The following PCDH15 variants were observed in gnomAD, a reference collection of about 807,000 sequenced individuals.
PCDH15 encodes protocadherin related 15, also known as protocadherin-15.
PCDH15 carries 129 observed loss-of-function variants against 178.5 expected under a neutral mutation model. That is an observed-to-expected ratio of 0.72 (90% CI 0.63 to 0.84). PCDH15 has a LOEUF of 0.84. Ranked by LOEUF, PCDH15 falls within the 40% of genes least tolerant of loss-of-function variation. PCDH15 has a pLI of 0.00. For synonymous variants in PCDH15, 800 were observed against 732.0 expected (o/e 1.09, Z -1.50); for missense variants, 2,230 against 2,099.9 (o/e 1.06, Z -1.21).
chr10:53,938,819 T>C lies in PCDH15; in HGVS notation c.3369A>G (p.Ser1123=), dbSNP rs953256223. ...GCTTTAAGTAGTATAACTTACTTTTTGAAGGAACTCGGAGATTGGCAAGGA... is the reference window on the plus strand; with the variant it reads ...GCTTTAAGTAGTATAACTTACTTTTCGAAGGAACTCGGAGATTGGCAAGGA... ...EVVLANLRVP[S]KSNTAKVYIE... is the part of the protein sequence containing the mutation. The change falls in exon 25 of 38, where the codon TCA becomes TCG. Residue 1123 remains serine, a synonymous_variant. Transcript: ENST00000644397. 1.2e-6 allele frequency: 2 copies of C among 1,613,048 alleles called. No homozygotes were observed. The highest frequency in any genetic ancestry group is 8.5e-7 in the Non-Finnish European group (1 of 1,179,540).
intron 9 of PCDH15, among the ~76,000 whole-genome samples, chr10:54,236,290 G>C (rs924176713): frequency 9.9e-5 from 15 of 152,090 alleles, no homozygotes; most frequent in African/African-American, 3.6e-4. Flanking sequence ...CATAGGGATG[G>C]ATTAGGATGG....
chr10:55,598,495 C>T (rs931682836), intron 2 of PCDH15, among the ~76,000 whole-genome samples: 4 of 130,026 alleles, frequency 3.1e-5, no homozygotes, highest in Non-Finnish European at 6.5e-5. Context: ...CTATATAACA[C>T]CAGCTTCAGC....
chr10:55,611,272 A>G (rs1843359286), intron 2 of PCDH15, among the ~76,000 whole-genome samples: 1 of 152,100 alleles, frequency 6.6e-6, no homozygotes, highest in Admixed American at 6.6e-5. Context: ...GGTCTGATAA[A>G]GAGTTAATAT....
At chr10:54,857,057 A>G (rs1245903570) in intron 3 of PCDH15, among the ~76,000 whole-genome samples, 3 of 152,168 alleles carry the variant, frequency 2.0e-5, no homozygotes, top group South Asian at 2.1e-4. Flanking sequence ...GTCAGAACTA[A>G]TCTGCAGGTC....
At chr10:55,557,384 G>A (rs534935601) in intron 2 of PCDH15, among the ~76,000 whole-genome samples, 1 of 152,188 alleles carries the variant, frequency 6.6e-6, no homozygotes, top group East Asian at 1.9e-4. Flanking sequence ...TATGTGATCA[G>A]AACTGGTTAC....
intron 3 of PCDH15, among the ~76,000 whole-genome samples, chr10:54,395,787 T>A (rs564280799): frequency 6.6e-6 from 1 of 152,316 alleles, no homozygotes; most frequent in South Asian, 2.1e-4. Flanking sequence ...CATTTAATCA[T>A]GCTGTATCTG....
intron 25 of PCDH15, among the ~76,000 whole-genome samples, chr10:53,937,008 G>T (rs1197133161): frequency 2.0e-5 from 3 of 151,422 alleles, no homozygotes; most frequent in African/African-American, 7.3e-5. Flanking sequence ...AATCATAAAA[G>T]GTTAATAACA....
intron 1 of PCDH15, among the ~76,000 whole-genome samples, chr10:54,754,202 T>A (rs1401573252): frequency 1.3e-5 from 2 of 151,982 alleles, no homozygotes; most frequent in Non-Finnish European, 2.9e-5. Flanking sequence ...GGCTTTCAAA[T>A]TTCCTTTAGA....
rs530961947 is a variant in PCDH15 at position 54,536,099 on chromosome 10, C to T, written c.92-8222G>A. Among the ~76,000 whole-genome samples, 5 of 152,220 alleles carry T rather than the reference C, an allele frequency of 3.3e-5. No individual in the cohort carries two copies. The South Asian group carries it at 8.3e-4, about 25-fold the overall frequency. On this transcript the variant is annotated intron_variant, in intron 2 of 37. Coordinates refer to ENST00000644397, the MANE Select transcript of PCDH15 (RefSeq NM_001384140.1). ...GTCCAAGGTGTAATATTACCACTGA[C>T]ATCAAAAGAGGCCATATAATGTTGT...
chr10:54,707,612 CTT>C (rs2095378711), intron 1 of PCDH15, among the ~76,000 whole-genome samples: 1 of 152,114 alleles, frequency 6.6e-6, no homozygotes. Flanking sequence ...GCCTATCTGA[CTT>C]TTTGAAGCCT....
At chr10:54,906,440 T>C (rs1954722982) in intron 2 of PCDH15, among the ~76,000 whole-genome samples, 1 of 152,136 alleles carries the variant, frequency 6.6e-6, no homozygotes, top group African/African-American at 2.4e-5. Flanking sequence ...AAATAAAAAA[T>C]AAATTCCAAA....
chr10:55,203,228 A>G (rs1356975883), intron 1 of PCDH15, among the ~76,000 whole-genome samples: 1 of 151,938 alleles, frequency 6.6e-6, no homozygotes. Flanking sequence ...CTTCTCTTTT[A>G]CACTTCTAAT....
intron 2 of PCDH15, chr10:54,599,937 G>C: frequency 1.1e-6 from 1 of 887,258 alleles, no homozygotes; most frequent in Non-Finnish European, 1.8e-6. Flanking sequence ...CTAAGGAGGA[G>C]TTGGTGGCAG....
intron 8 of PCDH15, among the ~76,000 whole-genome samples, chr10:54,244,081 C>T (rs987587815): frequency 1.3e-5 from 2 of 152,074 alleles, no homozygotes; most frequent in African/African-American, 4.8e-5. Context: ...ACTGGAATTT[C>T]GTATCACATA....
intron 3 of PCDH15, among the ~76,000 whole-genome samples, chr10:54,474,878 A>G (rs1261579088): frequency 6.6e-6 from 1 of 152,030 alleles, no homozygotes; most frequent in African/African-American, 2.4e-5. Flanking sequence ...TACAGATTAT[A>G]TCAATACAAA....
chr10:54,058,973 C>T (rs962990759), intron 18 of PCDH15, among the ~76,000 whole-genome samples: 1 of 152,138 alleles, frequency 6.6e-6, no homozygotes, highest in African/African-American at 2.4e-5. Context: ...GGATTACAGG[C>T]ATGAGCCACC....
chr10:55,612,231 A>G (rs914324264), intron 2 of PCDH15, among the ~76,000 whole-genome samples: 1 of 152,084 alleles, frequency 6.6e-6, no homozygotes, highest in African/African-American at 2.4e-5. Context: ...ATGTTAATTC[A>G]CCTGATGTAA....
rs779691085 is a variant in PCDH15 at position 53,822,351 on chromosome 10, G to GGAGGAA, written c.4368-2127_4368-2122dup. The GGAGGAA allele has an allele frequency of 6.3e-7, 1 of 1,582,664 alleles. No homozygotes were observed. The highest frequency in any genetic ancestry group is 1.4e-5 in the African/African-American group (1 of 73,752). On this transcript the variant is annotated intron_variant, in intron 32 of 37. Transcript: ENST00000644397. ...AACGGAAAGTGGAAAAAATGTAGGA[G>GGAGGAA]GAGGAAGAGGAAGAGGGATAGAAGG...
At chr10:55,608,802 A>T (rs1274987101) in intron 2 of PCDH15, among the ~76,000 whole-genome samples, 1 of 152,052 alleles carries the variant, frequency 6.6e-6, no homozygotes, top group African/African-American at 2.4e-5. Flanking sequence ...TAAGAAAGCA[A>T]TCATGATGAA....
Sources: gnomAD v4.1 joint callset for allele counts (sites outside exome capture counted in the v4.1 genomes callset) on GRCh38, gnomAD v4.1.1 for gene constraint, MANE v1.5 for transcripts, NCBI Gene and HGNC (gene_info 2026-07-23, HGNC 2026-07-21) for gene names.